Variants in GAS7 observed in about 807,000 individuals in gnomAD.
The protein encoded by GAS7 is growth arrest-specific protein 7.
GAS7 carries 28 observed loss-of-function variants against 71.1 expected under a neutral mutation model. The ratio of observed to expected loss-of-function variants is 0.39; its 90% CI spans 0.29 to 0.54. The LOEUF is 0.54. Ranked by LOEUF, GAS7 falls within the 20% of genes least tolerant of loss-of-function variation. GAS7 has a pLI of 0.62. For synonymous variants in GAS7, 258 were observed against 245.8 expected, an observed-to-expected ratio of 1.05 and a Z score of -0.46; for missense variants, 436 against 627.8, an observed-to-expected ratio of 0.69 and a Z score of 3.27.
rs747566446 is a variant in GAS7, at chr17:9,918,030, G to A, written c.1288C>T (p.Arg430Trp). The A allele has an allele frequency of 6.2e-6, 10 of 1,613,276 alleles. No homozygotes were observed. Among genetic ancestry groups the A allele is most frequent in the Admixed American group, 3.3e-5 (2 of 59,994 alleles). ...RQHLCQYTQL[R>W]HETDMFNQST... is the part of the protein sequence containing the mutation. The stretch of plus-strand genomic sequence containing the variant: ...TGGTTGAACATGTCTGTTTCATGCC[G>A]CAGCTGCGTGTACTGGCACAGGTGC... The change falls in exon 13 of 14, where the codon CGG becomes TGG. Residue 430 changes from arginine to tryptophan, a missense_variant. Arg to Trp is a moderately radical substitution (Grantham distance 101, BLOSUM62 -3). Transcript: ENST00000432992.
chr17:10,144,713 T>C (rs1349833817), intron 1 of GAS7, among the ~76,000 whole-genome samples: 1 of 151,844 alleles, frequency 6.6e-6, no homozygotes, highest in African/African-American at 2.4e-5. Flanking sequence ...CCAGATAATT[T>C]TGGAAAACAT....
At chr17:10,148,769 G>T (rs2074141011) in intron 1 of GAS7, among the ~76,000 whole-genome samples, 1 of 151,870 alleles carries the variant, frequency 6.6e-6, no homozygotes, top group South Asian at 2.1e-4. Flanking sequence ...AATTAGCTGG[G>T]CATGGTGGCG....
At chr17:9,925,726 C>G in intron 10 of GAS7, 127 bp from the exon 11 acceptor site, 1 of 957,702 alleles carries the variant, frequency 1.0e-6, no homozygotes, top group Non-Finnish European at 1.6e-6. Context: ...CCACAGTGGT[C>G]CAGAGAGGCC....
chr17:10,131,629 C>T (rs1219603182), intron 1 of GAS7, among the ~76,000 whole-genome samples: 1 of 152,040 alleles, frequency 6.6e-6, no homozygotes, highest in Non-Finnish European at 1.5e-5. Context: ...CTCAAAAGAA[C>T]AAAAGAAAAC....
intron 1 of GAS7, among the ~76,000 whole-genome samples, chr17:10,033,737 C>T (rs1212454460): frequency 6.6e-6 from 1 of 152,202 alleles, no homozygotes; most frequent in Non-Finnish European, 1.5e-5. Context: ...CCTGCACCTG[C>T]GATCCAGCTG....
At chr17:9,941,391 A>G (rs2068597767) in intron 7 of GAS7, among the ~76,000 whole-genome samples, 1 of 152,222 alleles carries the variant, frequency 6.6e-6, no homozygotes, top group African/African-American at 2.4e-5. Flanking sequence ...CACGAGGTGC[A>G]TACGCTGTCT....
intron 1 of GAS7, among the ~76,000 whole-genome samples, chr17:10,172,322 T>C (rs1597834256): frequency 6.6e-6 from 1 of 152,322 alleles, no homozygotes; most frequent in East Asian, 1.9e-4. Context: ...CTCCTTCCTC[T>C]GCCGCATGTC....
In GAS7 at chr17:9,911,696, C is replaced by T. The variant is rs372274983; in HGVS notation, c.*5532G>A. 1 of 232,654 alleles carries T rather than the reference C, an allele frequency of 4.3e-6. No homozygotes were observed. The highest frequency in any genetic ancestry group is 6.1e-5 in the East Asian group (1 of 16,502). The allele number at this position is 232,654 out of a possible 1,614,324, so 14.4% of individuals were successfully genotyped here. ...AGAGTCCTCCCCGGCAAATTTCAAC[C>T]CAGCAGAGTCCTGGCAGCCTCTTCG... On this transcript the variant is annotated 3_prime_UTR_variant, in exon 14 of 14. Coordinates refer to ENST00000432992, the MANE Select transcript of GAS7 (RefSeq NM_201433.2). This position sits in a 1 kb window ranked among gnomAD's most constrained non-coding sequence, Gnocchi z 4.0.
rs780484695 is a variant in GAS7 at position 9,969,690 on chromosome 17, G to A, written c.458C>T (p.Thr153Ile). The A allele has an allele frequency of 6.2e-7, 1 of 1,606,146 alleles. No individual in the cohort carries two copies. The highest frequency in any genetic ancestry group is 8.5e-7 in the Non-Finnish European group (1 of 1,172,696). The change falls in exon 4 of 14, where the codon ACC becomes ATC. Residue 153 changes from threonine to isoleucine, a missense_variant. Physicochemically the swap from Thr to Ile is moderately conservative, Grantham distance 89. Transcript: ENST00000432992. The surrounding 1 kb of genome is among the most constrained non-coding windows in gnomAD (Gnocchi z 5.5). Reference protein sequence around the residue: ...ETAHMSVRKSTGDSQNLGSSS... With the variant: ...ETAHMSVRKSIGDSQNLGSSS... ...AGGACCCCTTACCTGGGAATCACCG[G>A]TGGATTTTCGGACACTCATGTGGGC...
intron 1 of GAS7, among the ~76,000 whole-genome samples, chr17:10,051,406 T>A (rs1442428290): frequency 1.3e-5 from 2 of 152,184 alleles, no homozygotes; most frequent in Non-Finnish European, 2.9e-5. Flanking sequence ...ATGACGAGAC[T>A]AGAATTCAAA....
intron 2 of GAS7, among the ~76,000 whole-genome samples, chr17:9,995,251 G>A (rs2070993286): frequency 1.3e-5 from 2 of 152,154 alleles, no homozygotes; most frequent in Admixed American, 1.3e-4. Flanking sequence ...GGGCACCAAG[G>A]ACACTCAGTA....
intron 12 of GAS7, 123 bp from the exon 13 acceptor site, chr17:9,918,222 G>GA (rs2152065292): frequency 1.5e-6 from 1 of 661,092 alleles, no homozygotes; most frequent in South Asian, 1.8e-5. Flanking sequence ...ACTCTCTGGG[G>GA]TCTGATGAAG....
At chr17:9,946,683 A>G (rs564524656) in intron 6 of GAS7, among the ~76,000 whole-genome samples, 8 of 152,278 alleles carry the variant, frequency 5.3e-5, no homozygotes, top group Non-Finnish European at 1.0e-4. Context: ...AATGTGAACA[A>G]AAGTCCTGCT....
At chr17:10,037,491 G>A (rs1231949916) in intron 1 of GAS7, among the ~76,000 whole-genome samples, 1 of 150,360 alleles carries the variant, frequency 6.7e-6, no homozygotes, top group African/African-American at 2.4e-5. Flanking sequence ...CCTGAGGACC[G>A]AGTGGTTCCC....
At chr17:10,144,840 G>T (rs1029460190) in intron 1 of GAS7, among the ~76,000 whole-genome samples, 1 of 152,256 alleles carries the variant, frequency 6.6e-6, no homozygotes, top group Admixed American at 6.5e-5. Context: ...GAGCCACTGC[G>T]CCTGGCCAGT....
chr17:10,192,328 G>A (rs1289726398), intron 1 of GAS7, among the ~76,000 whole-genome samples: 5 of 152,190 alleles, frequency 3.3e-5, no homozygotes, highest in Admixed American at 6.5e-5. Context: ...GTCATGTGTC[G>A]CCTTGCTGCT....
chr17:10,046,201 C>A (rs537619979), intron 1 of GAS7, among the ~76,000 whole-genome samples: 5 of 152,070 alleles, frequency 3.3e-5, no homozygotes, highest in Admixed American at 6.6e-5. Context: ...GACAGGAACA[C>A]GGTACCCGGC....
intron 11 of GAS7, among the ~76,000 whole-genome samples, chr17:9,922,621 A>G (rs2067858566): frequency 6.6e-6 from 1 of 152,230 alleles, no homozygotes; most frequent in Non-Finnish European, 1.5e-5. Flanking sequence ...ATTCCAAACT[A>G]CAGGAATGAG....
intron 5 of GAS7, among the ~76,000 whole-genome samples, chr17:9,949,222 G>C (rs138956583): frequency 6.7e-6 from 1 of 150,114 alleles, no homozygotes; most frequent in Non-Finnish European, 1.5e-5. Context: ...GCAGAGATGC[G>C]TCCAAGGGGC....
Sources: gnomAD v4.1 joint callset for allele counts (sites outside exome capture counted in the v4.1 genomes callset) on GRCh38, gnomAD v4.1.1 for gene constraint, Gnocchi (gnomAD v3.1) non-coding constraint, MANE v1.5 for transcripts, NCBI Gene and HGNC (gene_info 2026-07-23, HGNC 2026-07-21) for gene names.